SLC25A29: variants seen among roughly 807,000 people sequenced by gnomAD.
SLC25A29 encodes the protein solute carrier family 25 member 29.
SLC25A29 carries 13 observed loss-of-function variants against 10.0 expected under a neutral mutation model. The observed-to-expected ratio is 1.30, with a 90% CI of 0.85 to 2.07. The LOEUF (loss-of-function observed/expected upper bound fraction) is 2.07. SLC25A29 is among the 30% of genes most tolerant of loss of function. The pLI is 0.00. For synonymous variants in SLC25A29, 244 were observed against 221.1 expected (o/e 1.10, Z -0.92); for missense variants, 475 against 447.6 (o/e 1.06, Z -0.55).
chr14:100,287,641 G>T (rs1396789956), downstream of SLC25A29, among the ~76,000 whole-genome samples: 5 of 40,518 alleles, frequency 1.2e-4, no homozygotes, highest in South Asian at 6.2e-4. Flanking sequence ...CCCCCCCTCC[G>T]AATTCCTGGC....
rs1194934351 is a variant in SLC25A29 at position 100,292,302 on chromosome 14, G to A, written c.893C>T (p.Ala298Val). 1 of 1,524,460 alleles carries A rather than the reference G, an allele frequency of 6.6e-7. No homozygotes were observed. The highest frequency in any genetic ancestry group is 1.4e-5 in the African/African-American group (1 of 71,932). 94.4% of individuals were successfully genotyped at this position (1,524,460 alleles called of 1,614,324 possible). The change falls in exon 4 of 4, where the codon GCG becomes GTG. Residue 298 changes from alanine (A) to valine (V), a missense_variant. Physicochemically the swap from Ala to Val is moderately conservative, Grantham distance 64 (BLOSUM62 0). Transcript: ENST00000359232. ...TGAGCGTCACAGGCTGGAGGGCTGC[G>A]CCAGGGCAGGCCCCGCAGGGGCGGC... ...VPAAPAGPALAQPSSL is the reference protein window; with the variant it reads ...VPAAPAGPALVQPSSL
intron 1 of SLC25A29, among the ~76,000 whole-genome samples, chr14:100,304,516 C>T (rs1019990588): frequency 1.3e-5 from 2 of 152,180 alleles, no homozygotes; most frequent in African/African-American, 4.8e-5. Context: ...CTTGTAGAGC[C>T]TTAGCTGGGT....
chr14:100,299,586 T>C (rs1214842214), intron 1 of SLC25A29: 2 of 985,664 alleles, frequency 2.0e-6, no homozygotes, highest in Non-Finnish European at 2.4e-6. Flanking sequence ...CCAGCCCCTC[T>C]TGAAGGACAA....
At chr14:100,281,742 C>T in the SLC25A29 span, 1 of 152,226 alleles carries the variant, frequency 6.6e-6, no homozygotes, top group Admixed American at 6.5e-5. Context: ...ATTACTGACC[C>T]TTGATTTATG....
chr14:100,295,385 CACAAGTTTAGG>C (rs945989559), intron 2 of SLC25A29: 7 of 335,378 alleles, frequency 2.1e-5, no homozygotes, highest in Non-Finnish European at 4.0e-5. Flanking sequence ...GTCATTTGGA[CACAAGTTTAGG>C]AAGCTCCCAG....
intron 1 of SLC25A29, chr14:100,305,743 GGGTCGGCTCCGTA>G: frequency 6.4e-6 from 1 of 157,242 alleles, no homozygotes; most frequent in South Asian, 2.0e-4. Flanking sequence ...GCCGAGTAGG[GGGTCGGCTCCGTA>G]GCCCCAACCC....
At chr14:100,285,153 C>T in the SLC25A29 span, among the ~76,000 whole-genome samples, 5 of 152,070 alleles carry the variant, frequency 3.3e-5, no homozygotes, top group Non-Finnish European at 7.4e-5. Flanking sequence ...CCACGTGCGT[C>T]TGTACCGGAC....
At chr14:100,287,636 C>CCCCA (rs1555371745), downstream of SLC25A29, among the ~76,000 whole-genome samples, 2 of 110,030 alleles carry the variant, frequency 1.8e-5, no homozygotes, top group African/African-American at 6.6e-5. Flanking sequence ...CCACCCCCCC[C>CCCCA]CTCCGAATTC....
rs562235236 is a variant in SLC25A29, at chr14:100,293,018, G to A, written c.177C>T (p.Tyr59=). The A allele has an allele frequency of 1.0e-5, 16 of 1,560,792 alleles. 1 individual carries two copies. The Middle Eastern group carries it at 8.5e-4, about 83-fold the overall frequency. ...CCATGAGCGGCGAGCCCAGGCCCTT[G>A]TACAGGCCCAGCACCTGCGGGGACA... ...IIKQESVLGL[Y]KGLGSPLMGL... Residue 59 remains tyrosine, a synonymous_variant, in exon 4 of 4, where the codon TAC becomes TAT. Transcript: ENST00000359232.
chr14:100,301,969 C>T (rs184972244), intron 1 of SLC25A29, among the ~76,000 whole-genome samples: 57 of 152,242 alleles, frequency 3.7e-4, no homozygotes, highest in African/African-American at 1.3e-3. Context: ...TCATTGAGAC[C>T]GTGAGACTCA....
At chr14:100,289,464 G>T (rs191874461), downstream of SLC25A29, among the ~76,000 whole-genome samples, 2 of 152,264 alleles carry the variant, frequency 1.3e-5, no homozygotes, top group South Asian at 4.1e-4. Flanking sequence ...GGAGGTGGAA[G>T]GAGGTTTTCC....
chr14:100,306,243 C>G lies in SLC25A29; in HGVS notation c.-11G>C. On this transcript the variant is annotated 5_prime_UTR_variant, in exon 1 of 4. Transcript: ENST00000359232. ...GAAGTCCAGCGCCATGGCCGGGTCC[C>G]CGGCGAGGCCGCCTTTCCTCCTCGT... 1 of 1,486,752 alleles carries G rather than the reference C, an allele frequency of 6.7e-7. No homozygotes were observed. Among genetic ancestry groups the G allele is most frequent in the Non-Finnish European group, 8.9e-7 (1 of 1,122,010 alleles). The allele number at this position is 1,486,752 out of a possible 1,614,324, so 92.1% of individuals were successfully genotyped here. A position where few individuals can be genotyped will look rare whatever the true frequency, so the allele number is the denominator to read the frequency against.
At chr14:100,301,450 C>T (rs1892541697) in intron 1 of SLC25A29, among the ~76,000 whole-genome samples, 1 of 152,160 alleles carries the variant, frequency 6.6e-6, no homozygotes, top group South Asian at 2.1e-4. Flanking sequence ...CAGGCGTGAG[C>T]CACCACGCCC....
Position 100,292,679 on chromosome 14 carries a change from A to C in SLC25A29, c.516T>G (p.Tyr172Ter). 1 of 1,602,754 alleles carries C rather than the reference A, an allele frequency of 6.2e-7. No individual in the cohort carries two copies. ...TPSFGVYFLT[Y>*]DALTRALGCE... is the part of the protein sequence containing the mutation. ...AGCCCAGCGCCCGCGTGAGAGCGTC[A>C]TAGGTGAGGAAGTAGACGCCGAAGC... The change falls in exon 4 of 4, where the codon TAT becomes TAG. Residue 172 changes from tyrosine to a stop codon, truncating the protein, a stop_gained. Coordinates refer to ENST00000359232, the MANE Select transcript of SLC25A29 (RefSeq NM_001039355.3). LOFTEE classifies it low-confidence loss of function (END_TRUNC).
intron 2 of SLC25A29, chr14:100,295,738 TCAA>T: frequency 1.6e-6 from 2 of 1,289,348 alleles, no homozygotes; most frequent in Non-Finnish European, 2.0e-6. Flanking sequence ...ACACAAAATT[TCAA>T]CATCACATCC....
At chr14:100,290,664 GCTCCAGGATGCC>G (rs1405260405), downstream of SLC25A29, among the ~76,000 whole-genome samples, 18 of 152,208 alleles carry the variant, frequency 1.2e-4, no homozygotes, top group African/African-American at 3.9e-4. Flanking sequence ...CTTTGGCAAA[GCTCCAGGATGCC>G]CTCTTCCAGG....
intron 1 of SLC25A29, among the ~76,000 whole-genome samples, chr14:100,304,330 C>A (rs1892768025): frequency 6.6e-6 from 1 of 152,182 alleles, no homozygotes; most frequent in African/African-American, 2.4e-5. Context: ...CACCCCAGCA[C>A]CCTGGAGTAA....
Position 100,292,913 on chromosome 14 carries a change from G to T in SLC25A29, c.282C>A (p.Asn94Lys). Residue 94 changes from asparagine to lysine, a missense_variant, in exon 4 of 4, where the codon AAC (asparagine) becomes AAA (lysine). Asn to Lys is a moderately conservative substitution (Grantham distance 94). Coordinates refer to ENST00000359232, the MANE Select transcript of SLC25A29 (RefSeq NM_001039355.3). ...CCGCCGCCGCACCTGCCAGGAACTG[G>T]TTGAGGGGCGAGTCGTGGCCCAGGG... is the stretch of plus-strand genomic sequence containing the variant. ...LRALGHDSPL[N>K]QFLAGAAAGA... is the part of the protein sequence containing the mutation. 6.2e-7 allele frequency: 1 copy of T among 1,608,532 alleles called. No individual in the cohort carries two copies. Among genetic ancestry groups the T allele is most frequent in the Non-Finnish European group, 8.5e-7 (1 of 1,178,442 alleles).
downstream of SLC25A29, among the ~76,000 whole-genome samples, chr14:100,289,835 CAA>C (rs56694140): frequency 2.1e-5 from 2 of 96,562 alleles, no homozygotes. Flanking sequence ...GAGCAAGACT[CAA>C]AAAAAAAAAA....
Sources: allele counts gnomAD v4.1 joint callset (sites outside exome capture counted in the v4.1 genomes callset), GRCh38; gene constraint gnomAD v4.1.1; transcripts MANE v1.5; gene names NCBI Gene and HGNC (gene_info 2026-07-23, HGNC 2026-07-21).